The following KIAA1549L variants were observed in gnomAD, a reference collection of about 807,000 sequenced individuals.
KIAA1549L encodes UPF0606 protein KIAA1549L.
A neutral mutation model predicts 160.7 loss-of-function variants in KIAA1549L; 88 were observed. The observed-to-expected ratio is 0.55, with a 90% confidence interval of 0.46 to 0.65. The LOEUF (loss-of-function observed/expected upper bound fraction) is 0.65, where lower values mean the gene tolerates loss of function less well. Ranked by LOEUF, KIAA1549L falls within the 30% of genes least tolerant of loss-of-function variation. The probability of loss-of-function intolerance (pLI) is 0.00; values close to 1 mark genes in which losing one functional copy is unlikely to be tolerated. For synonymous variants in KIAA1549L, 950 were observed against 976.7 expected, an observed-to-expected ratio of 0.97 and a Z score of 0.51; for missense variants, 2,258 against 2,437.5, an observed-to-expected ratio of 0.93 and a Z score of 1.55.
At chr11:33,549,276 A>G (rs554483123) in intron 4 of KIAA1549L, among the ~76,000 whole-genome samples, 12 of 152,354 alleles carry the variant, frequency 7.9e-5, no homozygotes, top group Admixed American at 1.3e-4. Flanking sequence ...GAATGAGAAT[A>G]ATGGAAACCA....
intron 1 of KIAA1549L, among the ~76,000 whole-genome samples, chr11:33,457,579 G>C (rs1299388583): frequency 6.6e-6 from 1 of 152,180 alleles, no homozygotes; most frequent in Non-Finnish European, 1.5e-5. Flanking sequence ...AAGTATCTAA[G>C]TCTTTATTGG....
Position 33,526,095 on chromosome 11 carries a change from T to G in KIAA1549L, c.239-15707T>G, listed in dbSNP as rs185722642. Among the ~76,000 whole-genome samples, 113 of 152,160 alleles carry G rather than the reference T, an allele frequency of 7.4e-4. 1 individual carries two copies. Among genetic ancestry groups the G allele is most frequent in the Admixed American group, 5.9e-3 (90 of 15,284 alleles). On this transcript the variant is annotated intron_variant, in intron 1 of 20. Transcript: ENST00000658780. ...CTTGGTAGCTCTATGGCCCCACCTA[T>G]TGCCTGAGAAACCCAAGTAAGTACT...
chr11:33,420,470 A>AGG (rs959164696), intron 1 of KIAA1549L, among the ~76,000 whole-genome samples: 5 of 152,048 alleles, frequency 3.3e-5, no homozygotes, highest in Non-Finnish European at 5.9e-5. Context: ...CAAGTGATCC[A>AGG]CCCACCTTGG....
At chr11:33,384,740 A>G (rs755998124) in intron 1 of KIAA1549L, among the ~76,000 whole-genome samples, 5 of 152,046 alleles carry the variant, frequency 3.3e-5, no homozygotes, top group Non-Finnish European at 5.9e-5. Flanking sequence ...TCATGTTCTT[A>G]CTTGCCATCT....
chr11:33,521,870 C>T (rs895552133), intron 1 of KIAA1549L, among the ~76,000 whole-genome samples: 4 of 152,162 alleles, frequency 2.6e-5, no homozygotes, highest in Admixed American at 6.5e-5. Context: ...AAATCCCATA[C>T]TGAAAAATCA....
rs761359617 is a variant in KIAA1549L at position 33,609,937 on chromosome 11, C to T, written c.5250C>T (p.Leu1750=). 5.0e-6 allele frequency: 8 copies of T among 1,613,772 alleles called. No individual in the cohort carries two copies. In the Admixed American group the frequency reaches 1.3e-4, roughly 27 times the overall value. Residue 1750 remains leucine, a synonymous_variant, in exon 15 of 21, where the codon CTC becomes CTT. Transcript: ENST00000658780. ...MEHVLDPDSE[L]CAPFTESKNR... is the part of the protein sequence containing the mutation. ...ATGTTTTGGATCCAGATTCAGAACT[C>T]TGTGCTCCATTCACCGAGTCTAAAA...
At chr11:33,416,704 G>T (rs1362324428) in intron 1 of KIAA1549L, among the ~76,000 whole-genome samples, 1 of 152,106 alleles carries the variant, frequency 6.6e-6, no homozygotes, top group Non-Finnish European at 1.5e-5. Flanking sequence ...TGGATTGTAA[G>T]GGACATCCGT....
chr11:33,598,192 G>T (rs1045508488), intron 12 of KIAA1549L, among the ~76,000 whole-genome samples: 16 of 108,396 alleles, frequency 1.5e-4, no homozygotes, highest in African/African-American at 7.9e-5. Context: ...GAGAATGTTT[G>T]TGTGTGTGTG....
intron 1 of KIAA1549L, among the ~76,000 whole-genome samples, chr11:33,489,871 G>A (rs1357905791): frequency 6.6e-6 from 1 of 152,184 alleles, no homozygotes; most frequent in East Asian, 1.9e-4. Context: ...TAATAAAAAT[G>A]AAAAGATCAA....
intron 1 of KIAA1549L, among the ~76,000 whole-genome samples, chr11:33,392,458 CTT>C (rs1034787147): frequency 2.0e-5 from 3 of 152,116 alleles, no homozygotes; most frequent in African/African-American, 4.8e-5. Flanking sequence ...GTTTATGACT[CTT>C]TTTCTGAGGT....
chr11:33,430,041 T>TCCTTCCTTCCTC (rs1554976199), intron 1 of KIAA1549L, among the ~76,000 whole-genome samples: 66 of 140,490 alleles, frequency 4.7e-4, no homozygotes, highest in African/African-American at 1.7e-3. Flanking sequence ...CTTCCTTCCT[T>TCCTTCCTTCCTC]CCTTCCTCCC....
chr11:33,660,719 C>G, intron 19 of KIAA1549L, 144 bp from the exon 20 acceptor site: 1 of 727,224 alleles, frequency 1.4e-6, no homozygotes, highest in Non-Finnish European at 2.2e-6. Flanking sequence ...AGCAAGCTCC[C>G]CTCAGCTCAG....
intron 3 of KIAA1549L, among the ~76,000 whole-genome samples, chr11:33,546,749 G>A (rs1477537455): frequency 2.0e-5 from 3 of 152,076 alleles, no homozygotes; most frequent in Non-Finnish European, 2.9e-5. Context: ...GATCTATTCC[G>A]AGACCCCCAG....
chr11:33,656,105 A>C lies in KIAA1549L; in HGVS notation c.5854A>C (p.Arg1952=), dbSNP rs544763142. 79 of 1,611,138 alleles carry C rather than the reference A, an allele frequency of 4.9e-5. No homozygotes were observed. In the South Asian group the frequency reaches 7.4e-4, roughly 15 times the overall value. ...TGGTCCTGTGGCTGTCGCTTCTCTC[A>C]GGCGGTAACACGTTCCTTTCTTTGT... ...RTGPVAVASL[R]RSTSDIGSKT... The change falls in exon 18 of 21, where the codon AGG becomes CGG. Residue 1952 remains arginine (R), a synonymous_variant. Coordinates refer to ENST00000658780, the MANE Select transcript of KIAA1549L (RefSeq NM_012194.3).
At chr11:33,420,930 AC>A (rs1850997904) in intron 1 of KIAA1549L, among the ~76,000 whole-genome samples, 1 of 152,124 alleles carries the variant, frequency 6.6e-6, no homozygotes, top group South Asian at 2.1e-4. Context: ...GATGGATGGA[AC>A]CCATGGGAGG....
At chr11:33,610,763 C>T (rs1452551561) in intron 15 of KIAA1549L, among the ~76,000 whole-genome samples, 8 of 152,190 alleles carry the variant, frequency 5.3e-5, no homozygotes, top group Admixed American at 6.5e-5. Flanking sequence ...TCTTTTTGTG[C>T]TGCTATAACA....
In KIAA1549L at chr11:33,669,890, G is replaced by A. The variant is rs1416389951; in HGVS notation, c.*1736G>A. On this transcript the variant is annotated 3_prime_UTR_variant, in exon 21 of 21. Coordinates refer to ENST00000658780, the MANE Select transcript of KIAA1549L (RefSeq NM_012194.3). ...CTGGTTGATCTTTCATAGTGTTAGT[G>A]TTTTGTTACTTAAAAAGGAAATCAG... is the stretch of plus-strand genomic sequence containing the variant. 1 of 152,164 alleles carries A rather than the reference G, an allele frequency of 6.6e-6. No homozygotes were observed. Among genetic ancestry groups the A allele is most frequent in the African/African-American group, 2.4e-5 (1 of 41,426 alleles). 9.4% of individuals were successfully genotyped at this position (152,164 alleles called of 1,614,324 possible). A position where few individuals can be genotyped will look rare whatever the true frequency, so the allele number is the denominator to read the frequency against.
intron 18 of KIAA1549L, among the ~76,000 whole-genome samples, chr11:33,657,119 G>T (rs985168075): frequency 2.0e-5 from 3 of 150,968 alleles, no homozygotes; most frequent in African/African-American, 4.9e-5. Context: ...AACAGTGTGT[G>T]GGAAGCCAGG....
At chr11:33,563,058 T>C (rs1854922794) in intron 8 of KIAA1549L, among the ~76,000 whole-genome samples, 1 of 151,732 alleles carries the variant, frequency 6.6e-6, no homozygotes. Context: ...GGCTTCAAAA[T>C]AGGAATCTGG....
Sources: allele counts gnomAD v4.1 joint callset (sites outside exome capture counted in the v4.1 genomes callset), GRCh38; gene constraint gnomAD v4.1.1; transcripts MANE v1.5; gene names NCBI Gene and HGNC (gene_info 2026-07-23, HGNC 2026-07-21).